The following PCGF5 variants were observed in gnomAD, a reference collection of about 807,000 sequenced individuals.
PCGF5 encodes the protein polycomb group ring finger 5.
A neutral mutation model predicts 44.3 loss-of-function variants in PCGF5; 9 were observed. The ratio of observed to expected loss-of-function variants is 0.20; its 90% CI spans 0.12 to 0.35. The LOEUF (loss-of-function observed/expected upper bound fraction) is 0.35. Among genes scored for constraint, PCGF5 ranks in the 10% least tolerant of loss-of-function variants. The probability of loss-of-function intolerance (pLI) is 1.00; values close to 1 mark genes in which losing one functional copy is unlikely to be tolerated. For synonymous variants in PCGF5, 95 were observed against 102.5 expected, an observed-to-expected ratio of 0.93 and a Z score of 0.44; for missense variants, 146 against 305.3, an observed-to-expected ratio of 0.48 and a Z score of 3.89.
intron 2 of PCGF5, among the ~76,000 whole-genome samples, chr10:91,239,048 C>T (rs898263403): frequency 4.6e-5 from 7 of 152,134 alleles, no homozygotes; most frequent in Admixed American, 2.6e-4. Context: ...ACTTAGGGGT[C>T]GCTAAGGGGT....
intron 1 of PCGF5, among the ~76,000 whole-genome samples, chr10:91,184,350 A>T (rs1418071699): frequency 6.6e-6 from 1 of 151,790 alleles, no homozygotes; most frequent in East Asian, 1.9e-4. Flanking sequence ...GTCTATTCTG[A>T]TATTAATACT....
chr10:91,173,578 C>CTTTTTTTTTTTTTTTTTTTTT lies in PCGF5; in HGVS notation c.-184+10514_-184+10515insTTTTTTTTTTTTTTTTTTTTT, dbSNP rs59254639. Among the ~76,000 whole-genome samples, 34 of 115,630 alleles carry CTTTTTTTTTTTTTTTTTTTTT rather than the reference C, an allele frequency of 2.9e-4. 1 individual carries two copies. The highest frequency in any genetic ancestry group is 1.1e-3 in the African/African-American group (33 of 29,306). The allele number at this position is 115,630 out of a possible 152,430, so 75.9% of individuals were successfully genotyped here. On this transcript the variant is annotated intron_variant, in intron 1 of 9. Transcript: ENST00000614189. ...TTATTCTTCTGCTAGAGGGAGTTGG[C>CTTTTTTTTTTTTTTTTTTTTT]TTTTTTTTTTTTTTTTTCCCACAGA...
Position 91,277,011 on chromosome 10 carries a change from A to T in PCGF5, c.724-1258A>T, listed in dbSNP as rs1846333430. 2.0e-5 allele frequency among the ~76,000 whole-genome samples: 3 copies of T among 152,332 alleles called. No individual in the cohort carries two copies. The South Asian group carries it at 6.2e-4, about 32-fold the overall frequency. ...TTAAAATAAAAACAAGTAAAACCAG[A>T]ACAGTTTTAGAAGTTTTAAACCTTG... On this transcript the variant is annotated intron_variant, in intron 9 of 9. Transcript: ENST00000336126.
chr10:91,263,735 A>G (rs1002369249), intron 7 of PCGF5, among the ~76,000 whole-genome samples: 1 of 152,328 alleles, frequency 6.6e-6, no homozygotes, highest in Admixed American at 6.5e-5. Context: ...CTTAACGCTG[A>G]TAAGTATGCT....
intron 9 of PCGF5, among the ~76,000 whole-genome samples, chr10:91,273,468 A>G (rs1052604191): frequency 1.3e-5 from 2 of 152,218 alleles, no homozygotes; most frequent in African/African-American, 4.8e-5. Flanking sequence ...CTAAATCCAT[A>G]CAAATTTCCT....
At chr10:91,194,198 T>C (rs536987416) in intron 1 of PCGF5, among the ~76,000 whole-genome samples, 17 of 152,272 alleles carry the variant, frequency 1.1e-4, no homozygotes, top group African/African-American at 3.9e-4. Context: ...TGTGAATGTG[T>C]CACTTTAGGG....
intron 1 of PCGF5, among the ~76,000 whole-genome samples, chr10:91,204,989 A>G (rs1481411870): frequency 1.3e-5 from 2 of 152,236 alleles, no homozygotes; most frequent in East Asian, 1.9e-4. Flanking sequence ...TCTGTAAACT[A>G]TCTAGCAAAT....
At chr10:91,160,105 C>G (rs760733330), upstream of PCGF5, among the ~76,000 whole-genome samples, 14 of 152,142 alleles carry the variant, frequency 9.2e-5, no homozygotes, top group African/African-American at 3.1e-4. Flanking sequence ...TTTCAGTCAA[C>G]GTAAACCACA....
intron 1 of PCGF5, among the ~76,000 whole-genome samples, chr10:91,212,333 G>T (rs1420137896): frequency 1.3e-5 from 2 of 152,040 alleles, no homozygotes; most frequent in African/African-American, 4.8e-5. Flanking sequence ...ATATTGTGTT[G>T]CATGAGGCCA....
intron 5 of PCGF5, among the ~76,000 whole-genome samples, chr10:91,250,924 T>C (rs977531354): frequency 2.0e-5 from 3 of 151,832 alleles, no homozygotes; most frequent in African/African-American, 7.2e-5. Context: ...GAGTATAATT[T>C]ATATATACAC....
intron 1 of PCGF5, among the ~76,000 whole-genome samples, chr10:91,215,117 G>A (rs536728089): frequency 1.6e-4 from 25 of 152,292 alleles, no homozygotes; most frequent in Non-Finnish European, 2.9e-4. Flanking sequence ...ACATTTTTGG[G>A]AAGTGAAATA....
At chr10:91,226,902 A>G (rs554831958) in intron 2 of PCGF5, among the ~76,000 whole-genome samples, 1 of 152,284 alleles carries the variant, frequency 6.6e-6, no homozygotes, top group South Asian at 2.1e-4. Flanking sequence ...TAGGCCAGGG[A>G]CATTTGATAA....
At chr10:91,162,196 A>G (rs1238496197), upstream of PCGF5, among the ~76,000 whole-genome samples, 1 of 151,456 alleles carries the variant, frequency 6.6e-6, no homozygotes, top group African/African-American at 2.4e-5. Flanking sequence ...TGAAAAATGG[A>G]GGCCCAGCTA....
chr10:91,270,084 A>T (rs753122176), intron 8 of PCGF5, among the ~76,000 whole-genome samples: 9 of 152,166 alleles, frequency 5.9e-5, no homozygotes, highest in Non-Finnish European at 1.2e-4. Flanking sequence ...TATGACTATA[A>T]TTCTCTCCTC....
At chr10:91,222,639 G>T in intron 1 of PCGF5, 50 bp from the exon 2 acceptor site, 1 of 518,986 alleles carries the variant, frequency 1.9e-6, no homozygotes, top group Non-Finnish European at 3.4e-6. Flanking sequence ...TACATTATGA[G>T]GAATTTGACG....
intron 6 of PCGF5, among the ~76,000 whole-genome samples, chr10:91,253,399 C>T (rs551645777): frequency 2.0e-5 from 3 of 151,998 alleles, no homozygotes; most frequent in African/African-American, 7.2e-5. Context: ...ACTTTTAAGT[C>T]CTCATTTCCA....
intron 2 of PCGF5, chr10:91,227,525 A>C: frequency 8.2e-7 from 1 of 1,225,812 alleles, no homozygotes; most frequent in African/African-American, 1.6e-5. Flanking sequence ...ATACTTCTCA[A>C]ATCTGTCCCT....
intron 7 of PCGF5, among the ~76,000 whole-genome samples, chr10:91,263,158 G>T (rs961329705): frequency 6.6e-6 from 1 of 152,136 alleles, no homozygotes; most frequent in African/African-American, 2.4e-5. Context: ...ATTATTTAAT[G>T]AAATACCTGA....
intron 6 of PCGF5, among the ~76,000 whole-genome samples, chr10:91,257,487 AC>A (rs1845785551): frequency 6.8e-6 from 1 of 146,432 alleles, no homozygotes; most frequent in African/African-American, 2.7e-5. Flanking sequence ...ATGTTCCAAG[AC>A]CCCCAGGGGA....
Sources: gnomAD v4.1 joint callset for allele counts (sites outside exome capture counted in the v4.1 genomes callset) on GRCh38, gnomAD v4.1.1 for gene constraint, MANE v1.5 for transcripts, NCBI Gene and HGNC (gene_info 2026-07-23, HGNC 2026-07-21) for gene names.